PDCD6: variants seen among roughly 807,000 people sequenced by gnomAD.
PDCD6 encodes programmed cell death protein 6.
A neutral mutation model predicts 28.3 loss-of-function variants in PDCD6; 12 were observed. That is an observed-to-expected ratio of 0.42 (90% CI 0.27 to 0.69). The LOEUF (loss-of-function observed/expected upper bound fraction) is 0.69. PDCD6 is among the 30% of genes least tolerant of loss of function. The pLI, the probability that PDCD6 is intolerant of heterozygous loss-of-function variation, is 0.22. For synonymous variants in PDCD6, 92 were observed against 108.0 expected, an observed-to-expected ratio of 0.85 and a Z score of 0.92; for missense variants, 226 against 269.9, an observed-to-expected ratio of 0.84 and a Z score of 1.14.
intron 2 of PDCD6, among the ~76,000 whole-genome samples, chr5:301,267 T>C: frequency 6.6e-6 from 1 of 152,160 alleles, no homozygotes; most frequent in East Asian, 1.9e-4. Flanking sequence ...CTGGGGCTTC[T>C]GTCAGCGCTG....
intron 2 of PDCD6, chr5:275,871 T>G: frequency 4.6e-6 from 2 of 439,464 alleles, no homozygotes; most frequent in Non-Finnish European, 8.7e-6. Flanking sequence ...GCATTCACCG[T>G]GGCCCTGTGT....
chr5:294,402 G>A (rs552300201), intron 2 of PDCD6, among the ~76,000 whole-genome samples: 1 of 145,998 alleles, frequency 6.8e-6, no homozygotes, highest in South Asian at 2.1e-4. Context: ...TATTGGAACA[G>A]AGGCCTCATC....
chr5:294,976 A>C (rs1739515464), intron 2 of PDCD6, among the ~76,000 whole-genome samples: 1 of 152,046 alleles, frequency 6.6e-6, no homozygotes, highest in African/African-American at 2.4e-5. Flanking sequence ...AGACAGTGCT[A>C]CCGTGTTGGG....
At chr5:272,870 A>T (rs1167483090) in intron 2 of PDCD6, 98 bp downstream of exon 2, 1 of 1,491,598 alleles carries the variant, frequency 6.7e-7, no homozygotes, top group East Asian at 2.3e-5. Flanking sequence ...TCCAAGGACA[A>T]AGGAATCATT....
chr5:279,714 A>C (rs1387094781), intron 2 of PDCD6, among the ~76,000 whole-genome samples: 1 of 145,136 alleles, frequency 6.9e-6, no homozygotes, highest in Non-Finnish European at 1.5e-5. Context: ...CTAGAGGGGA[A>C]GGCAGATGAT....
intron 3 of PDCD6, chr5:306,170 T>G: frequency 5.0e-6 from 1 of 200,042 alleles, no homozygotes; most frequent in South Asian, 9.8e-5. Context: ...CCCTGGAGAG[T>G]CAGAGGGTCA....
At chr5:301,632 G>A (rs1740057886) in intron 2 of PDCD6, among the ~76,000 whole-genome samples, 1 of 151,932 alleles carries the variant, frequency 6.6e-6, no homozygotes, top group South Asian at 2.1e-4. Flanking sequence ...ACCTGCCTTT[G>A]TGGGGAGAGC....
In PDCD6 at chr5:306,198, C is replaced by T. The variant is rs146181807; in HGVS notation, c.209-404C>T. ...GAGGGTCAGCTCTGGGAATTAGATT[C>T]GCGTTCTAGGCCGAGACCCAGGAGC... On this transcript the variant is annotated intron_variant, in intron 3 of 5. Coordinates refer to ENST00000264933, the MANE Select transcript of PDCD6 (RefSeq NM_013232.4). 3.2e-3 allele frequency: 689 copies of T among 218,300 alleles called. 3 individuals are homozygous for T. The highest frequency in any genetic ancestry group is 0.013 in the African/African-American group (587 of 45,462). 13.5% of individuals were successfully genotyped at this position (218,300 alleles called of 1,614,324 possible).
chr5:305,202 TC>T lies in PDCD6; in HGVS notation c.208+982del, dbSNP rs984135016. The T allele has an allele frequency of 5.3e-5, 8 of 152,278 alleles. No homozygotes were observed. Among genetic ancestry groups the T allele is most frequent in the African/African-American group, 9.6e-5 (4 of 41,452 alleles). The allele number at this position is 152,278 out of a possible 1,614,324, so 9.4% of individuals were successfully genotyped here. On this transcript the variant is annotated intron_variant, in intron 3 of 5. Coordinates refer to ENST00000264933, the MANE Select transcript of PDCD6 (RefSeq NM_013232.4). The surrounding 1 kb of genome is among the most constrained non-coding windows in gnomAD (Gnocchi z 4.0). ...TGGGAGGTGCAGCCCCCTTCAGACC[TC>T]TTTAATATGGAATCCCAGGTTCAGT...
intron 2 of PDCD6, among the ~76,000 whole-genome samples, chr5:275,500 T>C (rs1412338251): frequency 6.6e-6 from 1 of 152,250 alleles, no homozygotes; most frequent in Non-Finnish European, 1.5e-5. Context: ...TCAATTTAGC[T>C]GCTAGAAAAT....
intron 4 of PDCD6, 169 bp from the exon 5 acceptor site, chr5:311,124 C>T (rs377652854): frequency 2.7e-5 from 17 of 637,130 alleles, no homozygotes; most frequent in East Asian, 1.4e-4. Context: ...ATGATATATT[C>T]GGGAAGTGTC....
chr5:296,936 A>T (rs985840017), intron 2 of PDCD6, among the ~76,000 whole-genome samples: 2 of 152,036 alleles, frequency 1.3e-5, no homozygotes, highest in African/African-American at 4.8e-5. Context: ...CCATCCACAC[A>T]GTTGAATCTC....
intron 2 of PDCD6, among the ~76,000 whole-genome samples, chr5:290,576 T>G (rs1364171961): frequency 6.6e-6 from 1 of 152,226 alleles, no homozygotes. Context: ...AAGTTATTTC[T>G]TGGAGAAGCA....
chr5:291,253 C>G (rs1739294970), intron 2 of PDCD6, among the ~76,000 whole-genome samples: 1 of 152,168 alleles, frequency 6.6e-6, no homozygotes, highest in Non-Finnish European at 1.5e-5. Context: ...GAGGCAGGGT[C>G]TTGCTCTGTT....
intron 2 of PDCD6, chr5:276,617 G>A (rs900016701): frequency 2.3e-5 from 23 of 981,042 alleles, no homozygotes; most frequent in African/African-American, 1.4e-4. Flanking sequence ...TATAATAATT[G>A]TGCTCCCAGA....
chr5:311,813 C>T (rs557789033), intron 5 of PDCD6: 3 of 195,794 alleles, frequency 1.5e-5, no homozygotes, highest in Non-Finnish European at 3.1e-5. Context: ...CCTGCCTCAG[C>T]CTCCCCAGTA....
intron 2 of PDCD6, among the ~76,000 whole-genome samples, chr5:287,385 A>G (rs1739037943): frequency 6.6e-6 from 1 of 152,178 alleles, no homozygotes; most frequent in Non-Finnish European, 1.5e-5. Flanking sequence ...ATCCCAAGCA[A>G]GTTAAGCCTG....
chr5:307,261 TGTGTGTGC>T lies in PDCD6; in HGVS notation c.367+502_367+509del. Among the ~76,000 whole-genome samples the T allele has an allele frequency of 1.0e-5, 1 of 95,366 alleles. No individual in the cohort carries two copies. The highest frequency in any genetic ancestry group is 2.2e-4 in the East Asian group (1 of 4,504). 62.6% of individuals were successfully genotyped at this position (95,366 alleles called of 152,430 possible). On this transcript the variant is annotated intron_variant, in intron 4 of 5. Coordinates refer to ENST00000264933, the MANE Select transcript of PDCD6 (RefSeq NM_013232.4). The surrounding 1 kb of genome is among the most constrained non-coding windows in gnomAD (Gnocchi z 6.1). Reference sequence around the variant, plus strand: ...GTGCTCGGCGTGTGTGTGCTCGGCGTGTGTGTGCACACGTGTGCCGTGCGCCTCAGAAG... The same window carrying T: ...GTGCTCGGCGTGTGTGTGCTCGGCGTACACGTGTGCCGTGCGCCTCAGAAG...
intron 2 of PDCD6, among the ~76,000 whole-genome samples, chr5:279,461 C>T (rs1234842387): frequency 1.3e-5 from 2 of 152,100 alleles, no homozygotes; most frequent in East Asian, 3.9e-4. Flanking sequence ...ATGGTTCCCA[C>T]CCTCAGCCTA....
Sources: allele counts gnomAD v4.1 joint callset (sites outside exome capture counted in the v4.1 genomes callset), GRCh38; gene constraint gnomAD v4.1.1; non-coding constraint Gnocchi (gnomAD v3.1); transcripts MANE v1.5; gene names NCBI Gene and HGNC (gene_info 2026-07-23, HGNC 2026-07-21).